Variants in GLIS1 observed in about 807,000 individuals in gnomAD.
GLIS1 encodes the protein zinc finger protein GLIS1.
In GLIS1, 24 loss-of-function variants were observed where a neutral mutation model predicts 63.8. The observed-to-expected ratio is 0.38, with a 90% confidence interval of 0.27 to 0.53. GLIS1 has a LOEUF of 0.53. Ranked by LOEUF, GLIS1 falls within the 20% of genes least tolerant of loss-of-function variation. The pLI is 0.85. For synonymous variants in GLIS1, 450 were observed against 482.5 expected (o/e 0.93, Z 0.88); for missense variants, 1,036 against 1,074.1 (o/e 0.96, Z 0.50).
intron 2 of GLIS1, among the ~76,000 whole-genome samples, chr1:53,675,668 C>T (rs1176745436): frequency 6.6e-6 from 1 of 152,240 alleles, no homozygotes; most frequent in Non-Finnish European, 1.5e-5. Context: ...GGGACTTCTC[C>T]TCATGGCTCT....
intron 2 of GLIS1, among the ~76,000 whole-genome samples, chr1:53,622,896 A>G (rs72896729): frequency 0.072 from 10,983 of 152,284 alleles, 1,158 homozygotes; most frequent in African/African-American, 0.23. Context: ...CAGGAAATAC[A>G]TGCTTTTTAA....
chr1:53,594,711 C>T lies in GLIS1; in HGVS notation c.717G>A (p.Arg239=). ...TGGGGGGTAGGCCCAAGACGCAGCA[C>T]CGCTTCAGGCTGCCCTCGGGGAGGT... ...ETHLPEGSLK[R]CCVLGLPPTS... is the part of the protein sequence containing the mutation. Residue 239 remains arginine, a synonymous_variant, in exon 4 of 11, where the codon CGG becomes CGA. Coordinates refer to ENST00000628545, the MANE Select transcript of GLIS1 (RefSeq NM_001367484.1). 6.4e-7 allele frequency: 1 copy of T among 1,559,572 alleles called. No individual in the cohort carries two copies. The highest frequency in any genetic ancestry group is 8.7e-7 in the Non-Finnish European group (1 of 1,151,538).
chr1:53,529,762 C>T (rs751453685), intron 5 of GLIS1, 29 bp downstream of exon 5: 8 of 1,601,494 alleles, frequency 5.0e-6, no homozygotes, highest in South Asian at 2.2e-5. Flanking sequence ...TCCTCCACCC[C>T]GCCCTGGGCC....
chr1:53,625,844 C>A lies in GLIS1; in HGVS notation c.260-25566G>T, dbSNP rs1240585528. On this transcript the variant is annotated intron_variant, in intron 2 of 10. Transcript: ENST00000628545. ...CAGTGCCCAAGTATAGGCTGAGGAC[C>A]AGGCCCTGCAGCCAGCACAGGGGCG... Among the ~76,000 whole-genome samples the A allele has an allele frequency of 2.0e-4, 30 of 152,260 alleles. 1 individual carries two copies. The highest frequency in any genetic ancestry group is 2.1e-4 in the South Asian group (1 of 4,834).
At chr1:53,556,579 C>T (rs1569821932) in intron 4 of GLIS1, among the ~76,000 whole-genome samples, 6 of 72,694 alleles carry the variant, frequency 8.3e-5, no homozygotes, top group African/African-American at 2.4e-4. Flanking sequence ...TGTGTGTATG[C>T]AGGTGTACTG....
At chr1:53,627,197 A>G (rs1645604076) in intron 2 of GLIS1, among the ~76,000 whole-genome samples, 1 of 152,200 alleles carries the variant, frequency 6.6e-6, no homozygotes, top group Non-Finnish European at 1.5e-5. Flanking sequence ...AACGCTAGGT[A>G]GTCCTGGGAG....
chr1:53,530,713 TC>T (rs1489449688), intron 4 of GLIS1, among the ~76,000 whole-genome samples: 1 of 152,108 alleles, frequency 6.6e-6, no homozygotes, highest in African/African-American at 2.4e-5. Flanking sequence ...GAGTGTCCCC[TC>T]TTTCACAGCC....
chr1:53,521,437 C>T (rs554274293), intron 6 of GLIS1, among the ~76,000 whole-genome samples: 4 of 152,172 alleles, frequency 2.6e-5, no homozygotes, highest in Non-Finnish European at 5.9e-5. Flanking sequence ...GGATCCCATC[C>T]TACCTCTTCT....
At chr1:53,546,893 C>T (rs1644704476) in intron 4 of GLIS1, among the ~76,000 whole-genome samples, 1 of 152,174 alleles carries the variant, frequency 6.6e-6, no homozygotes, top group Admixed American at 6.5e-5. Context: ...TCCATCACAG[C>T]CCCTGGACTC....
chr1:53,666,961 C>T (rs1487251829), intron 2 of GLIS1, among the ~76,000 whole-genome samples: 5 of 152,228 alleles, frequency 3.3e-5, no homozygotes, highest in Admixed American at 2.6e-4. Flanking sequence ...ACATCATCTC[C>T]TTTCATGCCC....
intron 2 of GLIS1, among the ~76,000 whole-genome samples, chr1:53,649,693 C>G (rs113957248): frequency 2.1e-4 from 32 of 152,310 alleles, no homozygotes; most frequent in African/African-American, 7.7e-4. Flanking sequence ...ATCTTGCAAA[C>G]AGATGATGTA....
chr1:53,520,858 A>T, intron 6 of GLIS1, 92 bp from the exon 7 acceptor site: 1 of 1,385,554 alleles, frequency 7.2e-7, no homozygotes, highest in Non-Finnish European at 9.6e-7. Flanking sequence ...AAAGGACTGC[A>T]GCCCCAGGGC....
intron 2 of GLIS1, among the ~76,000 whole-genome samples, chr1:53,609,039 C>T (rs2100568535): frequency 6.6e-6 from 1 of 152,240 alleles, no homozygotes; most frequent in East Asian, 1.9e-4. Context: ...TAAGTCACAG[C>T]ACTGGTGGCA....
chr1:53,507,339 T>G (rs1037641790), intron 10 of GLIS1, among the ~76,000 whole-genome samples: 8 of 152,212 alleles, frequency 5.3e-5, no homozygotes, highest in Non-Finnish European at 1.5e-5. Flanking sequence ...GAGGCCAGGA[T>G]GCTTGCCTAA....
At chr1:53,657,594 G>A (rs1405479) in intron 2 of GLIS1, among the ~76,000 whole-genome samples, 128,328 of 151,618 alleles carry the variant, frequency 0.85, 55,509 homozygotes, top group East Asian at 0.93. Flanking sequence ...TGCCCCTGCC[G>A]GACGCATCCA....
intron 2 of GLIS1, among the ~76,000 whole-genome samples, chr1:53,656,357 G>A (rs12744257): frequency 0.44 from 66,869 of 152,126 alleles, 17,224 homozygotes; most frequent in Non-Finnish European, 0.56. Flanking sequence ...TCCTGGCCAA[G>A]CTGCAGATCA....
intron 10 of GLIS1, among the ~76,000 whole-genome samples, chr1:53,507,556 C>T (rs1270859442): frequency 6.6e-6 from 1 of 152,230 alleles, no homozygotes; most frequent in Non-Finnish European, 1.5e-5. Flanking sequence ...ATTTGTGTGG[C>T]CTAAGACAGG....
chr1:53,722,126 G>A (rs1376369665), intron 2 of GLIS1, among the ~76,000 whole-genome samples: 1 of 152,160 alleles, frequency 6.6e-6, no homozygotes, highest in African/African-American at 2.4e-5. Flanking sequence ...TTAGGAAAAT[G>A]TTGAAACACT....
chr1:53,732,892 C>G (rs1646877513), intron 2 of GLIS1, among the ~76,000 whole-genome samples: 1 of 151,974 alleles, frequency 6.6e-6, no homozygotes, highest in African/African-American at 2.4e-5. Flanking sequence ...ACTACCACAT[C>G]GTGTTGAAAA....
Sources: allele counts gnomAD v4.1 joint callset (sites outside exome capture counted in the v4.1 genomes callset), GRCh38; gene constraint gnomAD v4.1.1; transcripts MANE v1.5; gene names NCBI Gene and HGNC (gene_info 2026-07-23, HGNC 2026-07-21).